IL21R: variants seen among roughly 807,000 people sequenced by gnomAD.
IL21R encodes the protein interleukin-21 receptor.
Under a neutral mutation model 41.3 loss-of-function variants are expected in IL21R, and 14 were observed. The observed-to-expected ratio is 0.34, with a 90% CI of 0.22 to 0.53. The LOEUF is 0.53. Among genes scored for constraint, IL21R ranks in the 20% least tolerant of loss-of-function variants. IL21R has a pLI of 0.94. For missense variants in IL21R, 588 were observed against 681.6 expected (o/e 0.86, Z 1.53); for synonymous variants, 286 against 287.6 (o/e 0.99, Z 0.05).
intron 1 of IL21R, among the ~76,000 whole-genome samples, chr16:27,427,031 G>C (rs1337837720): frequency 6.6e-6 from 1 of 152,142 alleles, no homozygotes; most frequent in African/African-American, 2.4e-5. Context: ...CTGTCTCTAA[G>C]AGGTGACAAA....
chr16:27,420,937 T>C (rs2086990617), intron 1 of IL21R, among the ~76,000 whole-genome samples: 1 of 152,206 alleles, frequency 6.6e-6, no homozygotes, highest in South Asian at 2.1e-4. Flanking sequence ...GTTTAATAGT[T>C]TTACTTTTTA....
At chr16:27,405,653 G>A (rs966253124) in intron 1 of IL21R, among the ~76,000 whole-genome samples, 6 of 152,166 alleles carry the variant, frequency 3.9e-5, no homozygotes, top group African/African-American at 9.7e-5. Context: ...CGGAGCCCCC[G>A]GACACGTGAA....
chr16:27,419,236 G>A (rs2086958711), intron 1 of IL21R, among the ~76,000 whole-genome samples: 1 of 152,044 alleles, frequency 6.6e-6, no homozygotes, highest in Non-Finnish European at 1.5e-5. Flanking sequence ...AAAAATCTAA[G>A]ACACAGGCAG....
At chr16:27,425,456 G>A (rs1006270921) in intron 1 of IL21R, among the ~76,000 whole-genome samples, 1 of 152,164 alleles carries the variant, frequency 6.6e-6, no homozygotes, top group African/African-American at 2.4e-5. Context: ...TAGTGAAAGC[G>A]TAGGCTCTTT....
In IL21R at chr16:27,437,574, C is replaced by T. The variant is rs371591899; in HGVS notation, c.239C>T (p.Thr80Ile). Reference sequence around the variant, plus strand: ...CACAATGCCACGCATGCCACCTACACCTGCCACATGGATGTATTCCACTTC... The same window carrying T: ...CACAATGCCACGCATGCCACCTACATCTGCCACATGGATGTATTCCACTTC... ...SAHNATHATY[T>I]CHMDVFHFMA... is the part of the protein sequence containing the mutation. Residue 80 changes from threonine (T) to isoleucine (I), a missense_variant, in exon 4 of 9, where the codon ACC becomes ATC. Coordinates refer to ENST00000337929, the MANE Select transcript of IL21R (RefSeq NM_181078.3). 1.9e-6 allele frequency: 3 copies of T among 1,614,230 alleles called. No individual in the cohort carries two copies. The South Asian group carries it at 3.3e-5, about 18-fold the overall frequency.
intron 2 of IL21R, among the ~76,000 whole-genome samples, 161 bp downstream of exon 2, chr16:27,430,281 T>C (rs563936019): frequency 6.6e-6 from 1 of 152,266 alleles, no homozygotes; most frequent in Non-Finnish European, 1.5e-5. Context: ...AGTAGCCGGC[T>C]CTCCACTAAT....
intron 1 of IL21R, among the ~76,000 whole-genome samples, chr16:27,405,386 GA>G (rs34062723): frequency 0.38 from 57,849 of 151,816 alleles, 12,942 homozygotes; most frequent in East Asian, 0.61. Context: ...TGAAAATACA[GA>G]AAAAAAATAA....
At chr16:27,426,548 A>G (rs1444871012) in intron 1 of IL21R, among the ~76,000 whole-genome samples, 1 of 152,232 alleles carries the variant, frequency 6.6e-6, no homozygotes, top group African/African-American at 2.4e-5. Context: ...AGAGGCAAAG[A>G]TGCATGACGA....
rs1596559885 is a variant in IL21R at position 27,402,474 on chromosome 16, T to C, written c.-161T>C. 1 of 152,614 alleles carries C rather than the reference T, an allele frequency of 6.6e-6. No individual in the cohort carries two copies. Among genetic ancestry groups the C allele is most frequent in the African/African-American group, 2.4e-5 (1 of 41,412 alleles). The allele number at this position is 152,614 out of a possible 1,614,324, so 9.5% of individuals were successfully genotyped here. ...AGCCTGATTGGTGACTCGGGCTGGG[T>C]GTGGATTCTCACCCCAGGCCTCTGC... On this transcript the variant is annotated 5_prime_UTR_variant, in exon 1 of 9. Coordinates refer to ENST00000337929, the MANE Select transcript of IL21R (RefSeq NM_181078.3).
chr16:27,440,628 C>G (rs2087371939), intron 4 of IL21R, among the ~76,000 whole-genome samples: 1 of 152,146 alleles, frequency 6.6e-6, no homozygotes, highest in Non-Finnish European at 1.5e-5. Flanking sequence ...GTTCTAGGAG[C>G]TGTGGGCACA....
intron 1 of IL21R, among the ~76,000 whole-genome samples, chr16:27,423,286 G>T (rs2087025423): frequency 6.6e-6 from 1 of 151,734 alleles, no homozygotes; most frequent in Non-Finnish European, 1.5e-5. Flanking sequence ...TGTGACAACA[G>T]CTACTTCATT....
Position 27,445,263 on chromosome 16 carries a change from C to G in IL21R, c.772C>G (p.His258Asp), listed in dbSNP as rs1159807294. The change falls in exon 7 of 9, where the codon CAT becomes GAT. Residue 258 changes from histidine (H) to aspartate (D), a missense_variant. His to Asp is a moderately conservative substitution (Grantham distance 81, BLOSUM62 -1). Transcript: ENST00000337929. ...FIPAFWSLKTHPLWRLWKKIW... is the reference protein window; with the variant it reads ...FIPAFWSLKTDPLWRLWKKIW... ...TCCTGCCTTCTGGAGCCTGAAGACC[C>G]ATCCATTGTGGAGGTGAGGCCAGGG... is the stretch of plus-strand genomic sequence containing the variant. 6.2e-7 allele frequency: 1 copy of G among 1,612,816 alleles called. No individual in the cohort carries two copies. The highest frequency in any genetic ancestry group is 1.1e-5 in the South Asian group (1 of 91,012).
intron 4 of IL21R, among the ~76,000 whole-genome samples, chr16:27,440,129 C>T (rs1370396908): frequency 1.3e-5 from 2 of 151,284 alleles, no homozygotes; most frequent in Non-Finnish European, 2.9e-5. Flanking sequence ...CACCTCGGGG[C>T]GTGGTGGGAG....
At chr16:27,440,293 C>CGT (rs2087366701) in intron 4 of IL21R, among the ~76,000 whole-genome samples, 1 of 137,948 alleles carries the variant, frequency 7.2e-6, no homozygotes, top group African/African-American at 2.9e-5. Flanking sequence ...AGCAAGCGCG[C>CGT]GCCAGGGTGT....
intron 1 of IL21R, among the ~76,000 whole-genome samples, chr16:27,410,992 C>G (rs2086814188): frequency 6.6e-6 from 1 of 152,160 alleles, no homozygotes; most frequent in African/African-American, 2.4e-5. Flanking sequence ...TAACATATGA[C>G]AGGACTTCCT....
intron 1 of IL21R, among the ~76,000 whole-genome samples, chr16:27,407,640 A>G (rs2086768021): frequency 6.6e-6 from 1 of 152,240 alleles, no homozygotes; most frequent in Non-Finnish European, 1.5e-5. Flanking sequence ...AGCCTGACCA[A>G]CATGGTGAAA....
chr16:27,449,216 G>A lies in IL21R; in HGVS notation c.1550G>A (p.Arg517Gln), dbSNP rs761950657. The A allele has an allele frequency of 2.4e-5, 39 of 1,612,676 alleles. No individual in the cohort carries two copies. Among genetic ancestry groups the A allele is most frequent in the African/African-American group, 1.6e-4 (12 of 74,918 alleles). ...AGCCCCGGGGACGAAGGACCCCCCC[G>A]GAGCTACCTCCGCCAGTGGGTGGTC... Reference protein sequence around the residue: ...FTSPGDEGPPRSYLRQWVVIP... With the variant: ...FTSPGDEGPPQSYLRQWVVIP... The change falls in exon 9 of 9, where the codon CGG (arginine) becomes CAG (glutamine). Residue 517 changes from arginine to glutamine, a missense_variant. Physicochemically the swap from Arg to Gln is conservative, Grantham distance 43. Coordinates refer to ENST00000337929, the MANE Select transcript of IL21R (RefSeq NM_181078.3).
In IL21R at chr16:27,449,074, C is replaced by T. The variant is rs954551347; in HGVS notation, c.1408C>T (p.Pro470Ser). The T allele has an allele frequency of 1.9e-6, 3 of 1,613,046 alleles. No homozygotes were observed. In the African/African-American group the frequency reaches 4.0e-5, roughly 22 times the overall value. The change falls in exon 9 of 9, where the codon CCT becomes TCT. Residue 470 changes from proline to serine, a missense_variant. By Grantham distance (74) the Pro-to-Ser change is moderately conservative. Transcript: ENST00000337929. ...GGGACTGCCCTGGGGTGGCCGGTCACCTGGAGGGGTCTCAGAGAGTGAGGC... is the reference window on the plus strand; with the variant it reads ...GGGACTGCCCTGGGGTGGCCGGTCATCTGGAGGGGTCTCAGAGAGTGAGGC... ...AGGLPWGGRS[P>S]GGVSESEAGS...
intron 1 of IL21R, among the ~76,000 whole-genome samples, chr16:27,408,709 TCCCTCTTCGCCCA>T (rs1212698681): frequency 1.3e-5 from 2 of 152,012 alleles, no homozygotes; most frequent in African/African-American, 4.8e-5. Flanking sequence ...TTCTGGGGAG[TCCCTCTTCGCCCA>T]CCTCATTTCT....
Sources: allele counts gnomAD v4.1 joint callset (sites outside exome capture counted in the v4.1 genomes callset), GRCh38; gene constraint gnomAD v4.1.1; transcripts MANE v1.5; gene names NCBI Gene and HGNC (gene_info 2026-07-23, HGNC 2026-07-21).